Variants in CCSER1 observed in about 807,000 individuals in gnomAD.
CCSER1 encodes the protein serine-rich coiled-coil domain-containing protein 1.
A neutral mutation model predicts 82.0 loss-of-function variants in CCSER1; 41 were observed. The observed-to-expected ratio is 0.50, with a 90% CI of 0.39 to 0.65. CCSER1 has a LOEUF of 0.65. Among genes scored for constraint, CCSER1 ranks in the 30% least tolerant of loss-of-function variants. CCSER1 has a pLI of 0.00. For missense variants in CCSER1, 1,119 were observed against 1,064.2 expected (o/e 1.05, Z -0.72); for synonymous variants, 414 against 383.9 (o/e 1.08, Z -0.92).
At chr4:90,928,563 G>A (rs975507804) in intron 9 of CCSER1, among the ~76,000 whole-genome samples, 4 of 152,042 alleles carry the variant, frequency 2.6e-5, no homozygotes, top group African/African-American at 9.7e-5. Context: ...GCATTTGAAG[G>A]TGCTGAAAGC....
At chr4:90,815,613 A>G in intron 7 of CCSER1, 149 bp from the exon 8 acceptor site, 2 of 548,162 alleles carry the variant, frequency 3.6e-6, no homozygotes, top group African/African-American at 1.9e-5. Flanking sequence ...GCAACTAAGA[A>G]TATATTATGA....
At chr4:90,930,393 A>C (rs1453389436) in intron 9 of CCSER1, among the ~76,000 whole-genome samples, 2 of 151,966 alleles carry the variant, frequency 1.3e-5, no homozygotes, top group Admixed American at 1.3e-4. Flanking sequence ...CGAGGTCAGG[A>C]GATCGAGGCC....
intron 4 of CCSER1, among the ~76,000 whole-genome samples, chr4:90,456,905 G>T (rs1560545439): frequency 6.6e-6 from 1 of 152,184 alleles, no homozygotes; most frequent in Non-Finnish European, 1.5e-5. Flanking sequence ...GTGGCTGGTG[G>T]TGCCTTTGCC....
intron 7 of CCSER1, among the ~76,000 whole-genome samples, chr4:90,741,931 C>T (rs1746621115): frequency 6.6e-6 from 1 of 152,100 alleles, no homozygotes; most frequent in East Asian, 1.9e-4. Flanking sequence ...TAAAGAACTA[C>T]CTGAGACTGA....
rs1758346431 is a variant in CCSER1 at position 90,432,085 on chromosome 4, C to T, written c.1603+31956C>T. ...GCCAGAGAATAAATGTGTTCTGGCA[C>T]ATAGTCCTGAAAAATACTGTTTTGA... On this transcript the variant is annotated intron_variant, in intron 4 of 10. Transcript: ENST00000509176. 2.0e-5 allele frequency among the ~76,000 whole-genome samples: 3 copies of T among 152,064 alleles called. 1 individual carries two copies. Among genetic ancestry groups the T allele is most frequent in the Admixed American group, 6.6e-5 (1 of 15,266 alleles).
chr4:91,283,873 G>A (rs1743092265), intron 10 of CCSER1, among the ~76,000 whole-genome samples: 1 of 152,006 alleles, frequency 6.6e-6, no homozygotes, highest in Admixed American at 6.6e-5. Context: ...CTTAAATTCA[G>A]CTCTGTGTTG....
chr4:91,117,038 A>G (rs2148884377), intron 10 of CCSER1, among the ~76,000 whole-genome samples: 1 of 152,328 alleles, frequency 6.6e-6, no homozygotes, highest in South Asian at 2.1e-4. Flanking sequence ...AGAAACCTCC[A>G]TGCAGGTTTT....
chr4:90,648,394 G>A (rs578151947), intron 6 of CCSER1, among the ~76,000 whole-genome samples: 2 of 152,140 alleles, frequency 1.3e-5, no homozygotes, highest in Admixed American at 1.3e-4. Context: ...AAAAAATTAA[G>A]TCATACTTAA....
intron 10 of CCSER1, among the ~76,000 whole-genome samples, chr4:91,128,026 A>C (rs901379275): frequency 6.6e-6 from 1 of 152,146 alleles, no homozygotes; most frequent in East Asian, 1.9e-4. Flanking sequence ...AAAGTGTTCA[A>C]CCATGAATCT....
chr4:90,622,080 A>G (rs1231090113), intron 5 of CCSER1, among the ~76,000 whole-genome samples: 2 of 152,148 alleles, frequency 1.3e-5, no homozygotes, highest in Non-Finnish European at 2.9e-5. Context: ...ATTTCTTTGT[A>G]TTTGGAACAT....
chr4:91,053,788 C>A lies in CCSER1; in HGVS notation c.2173-32162C>A, dbSNP rs375194882. On this transcript the variant is annotated intron_variant, in intron 9 of 10. Coordinates refer to ENST00000509176, the MANE Select transcript of CCSER1 (RefSeq NM_001145065.2). ...TAGCATTACTGTGCATCTTTGTTCA[C>A]TTAATAGTGTATCTTATAAATTTTT... Among the ~76,000 whole-genome samples, 3 of 152,300 alleles carry A rather than the reference C, an allele frequency of 2.0e-5. No homozygotes were observed. In the East Asian group the frequency reaches 5.8e-4, roughly 29 times the overall value.
rs115879009 is a variant in CCSER1, at chr4:91,205,970, C to T, written c.2217+119976C>T. Among the ~76,000 whole-genome samples, 564 of 151,834 alleles carry T rather than the reference C, an allele frequency of 3.7e-3. 2 individuals carry two copies. Among genetic ancestry groups the T allele is most frequent in the African/African-American group, 0.013 (556 of 41,472 alleles). Reference sequence around the variant, plus strand: ...TAAATAAATAATAAAAGTAAAGTAACATCTTACAATATGAGAAGTGCAGAG... The same window carrying T: ...TAAATAAATAATAAAAGTAAAGTAATATCTTACAATATGAGAAGTGCAGAG... On this transcript the variant is annotated intron_variant, in intron 10 of 10. Transcript: ENST00000509176.
intron 1 of CCSER1, among the ~76,000 whole-genome samples, chr4:90,264,749 A>G (rs1224195642): frequency 6.6e-6 from 1 of 152,116 alleles, no homozygotes; most frequent in African/African-American, 2.4e-5. Context: ...TAACATTTAT[A>G]ACATTTTAAT....
chr4:90,683,984 T>C (rs1734352596), intron 6 of CCSER1, among the ~76,000 whole-genome samples: 1 of 152,170 alleles, frequency 6.6e-6, no homozygotes. Context: ...AAAAGATGCC[T>C]TCCCATGGCT....
chr4:90,558,308 A>G (rs186004257), intron 5 of CCSER1, among the ~76,000 whole-genome samples: 1 of 152,344 alleles, frequency 6.6e-6, no homozygotes, highest in East Asian at 1.9e-4. Flanking sequence ...CAGTGAACAC[A>G]TTATAAACTA....
intron 9 of CCSER1, among the ~76,000 whole-genome samples, chr4:90,943,043 T>A (rs940235683): frequency 1.3e-5 from 2 of 151,538 alleles, no homozygotes; most frequent in Non-Finnish European, 2.9e-5. Flanking sequence ...GGAAGGTATA[T>A]GTGCTAATAA....
chr4:91,281,776 T>C (rs1742928242), intron 10 of CCSER1, among the ~76,000 whole-genome samples: 2 of 152,190 alleles, frequency 1.3e-5, no homozygotes, highest in African/African-American at 4.8e-5. Context: ...TATATTACTT[T>C]CTCATAGTTT....
intron 4 of CCSER1, among the ~76,000 whole-genome samples, chr4:90,446,484 T>C (rs1457791967): frequency 1.3e-5 from 2 of 152,152 alleles, no homozygotes; most frequent in African/African-American, 4.8e-5. Flanking sequence ...AGATTAATAA[T>C]TAATTTGATA....
chr4:91,181,198 C>A (rs969791247), intron 10 of CCSER1, among the ~76,000 whole-genome samples: 1 of 152,212 alleles, frequency 6.6e-6, no homozygotes, highest in Non-Finnish European at 1.5e-5. Flanking sequence ...CCCACCATGT[C>A]CCCCTTCTTT....
Sources: gnomAD v4.1 joint callset for allele counts (sites outside exome capture counted in the v4.1 genomes callset) on GRCh38, gnomAD v4.1.1 for gene constraint, MANE v1.5 for transcripts, NCBI Gene and HGNC (gene_info 2026-07-23, HGNC 2026-07-21) for gene names.